The following PCDH9 variants were observed in gnomAD, a reference collection of about 807,000 sequenced individuals.
PCDH9 encodes protocadherin 9, also known as protocadherin-9.
In PCDH9, 24 loss-of-function variants were observed where a neutral mutation model predicts 70.6. That is an observed-to-expected ratio of 0.34 (90% CI 0.25 to 0.48). The LOEUF is 0.48. Ranked by LOEUF, PCDH9 falls within the 20% of genes least tolerant of loss-of-function variation. PCDH9 has a pLI of 0.99. For missense variants in PCDH9, 1,281 were observed against 1,503.6 expected, an observed-to-expected ratio of 0.85 and a Z score of 2.45; for synonymous variants, 562 against 558.5, an observed-to-expected ratio of 1.01 and a Z score of -0.09.
intron 3 of PCDH9, among the ~76,000 whole-genome samples, chr13:66,700,244 A>T (rs535749385): frequency 7.9e-5 from 12 of 152,250 alleles, no homozygotes; most frequent in African/African-American, 2.9e-4. Context: ...TTGTAAAGTA[A>T]ATCAATCTAG....
intron 3 of PCDH9, among the ~76,000 whole-genome samples, chr13:66,757,141 A>G (rs773867382): frequency 3.3e-5 from 5 of 152,062 alleles, no homozygotes; most frequent in Non-Finnish European, 7.4e-5. Flanking sequence ...CCCCAGCCTC[A>G]TGTGGTTGAT....
intron 4 of PCDH9, among the ~76,000 whole-genome samples, chr13:66,619,443 G>C (rs1418141600): frequency 6.6e-6 from 1 of 151,982 alleles, no homozygotes; most frequent in Non-Finnish European, 1.5e-5. Context: ...CAATTTTCTA[G>C]AATTTTATTT....
intron 4 of PCDH9, among the ~76,000 whole-genome samples, chr13:66,449,129 T>A (rs945619201): frequency 2.0e-4 from 31 of 152,132 alleles, no homozygotes; most frequent in Non-Finnish European, 3.2e-4. Flanking sequence ...AAACACTGAC[T>A]GGAACCAAAG....
intron 4 of PCDH9, among the ~76,000 whole-genome samples, chr13:66,445,621 A>T: frequency 7.2e-6 from 1 of 139,296 alleles, no homozygotes; most frequent in Non-Finnish European, 1.5e-5. Context: ...TTATATATAC[A>T]CATATATATT....
intron 2 of PCDH9, among the ~76,000 whole-genome samples, chr13:66,975,169 A>G (rs1016873837): frequency 2.6e-5 from 4 of 152,074 alleles, no homozygotes; most frequent in Non-Finnish European, 5.9e-5. Flanking sequence ...AGTGAACAGA[A>G]GAGACACAGA....
chr13:66,530,522 A>C (rs1960406856), intron 4 of PCDH9, among the ~76,000 whole-genome samples: 1 of 151,954 alleles, frequency 6.6e-6, no homozygotes, highest in Non-Finnish European at 1.5e-5. Context: ...TATGACATTA[A>C]ATAGGAAAAG....
intron 4 of PCDH9, among the ~76,000 whole-genome samples, chr13:66,598,202 T>C (rs1397465153): frequency 6.6e-6 from 1 of 151,780 alleles, no homozygotes; most frequent in Non-Finnish European, 1.5e-5. Flanking sequence ...AAAATAGAAC[T>C]GTAATATGAC....
intron 4 of PCDH9, among the ~76,000 whole-genome samples, chr13:66,418,538 C>T (rs534028723): frequency 6.6e-6 from 1 of 151,920 alleles, no homozygotes; most frequent in African/African-American, 2.4e-5. Context: ...TTATTTGAAG[C>T]CAATGAGAAC....
chr13:66,774,211 T>G (rs1304187029), intron 3 of PCDH9, among the ~76,000 whole-genome samples: 1 of 152,174 alleles, frequency 6.6e-6, no homozygotes, highest in Non-Finnish European at 1.5e-5. Flanking sequence ...CATAAGGGAC[T>G]AAAGACCACA....
chr13:66,821,766 A>G (rs2080715450), intron 3 of PCDH9, among the ~76,000 whole-genome samples: 1 of 152,130 alleles, frequency 6.6e-6, no homozygotes, highest in Non-Finnish European at 1.5e-5. Flanking sequence ...GGTTCATTCA[A>G]TTCCCCATGT....
chr13:67,134,505 C>T (rs1649730057), intron 2 of PCDH9, among the ~76,000 whole-genome samples: 1 of 152,152 alleles, frequency 6.6e-6, no homozygotes, highest in South Asian at 2.1e-4. Flanking sequence ...GAATCAGAGT[C>T]ACTGACATTT....
At chr13:66,519,047 C>T (rs1286116075) in intron 4 of PCDH9, among the ~76,000 whole-genome samples, 2 of 152,046 alleles carry the variant, frequency 1.3e-5, no homozygotes, top group African/African-American at 2.4e-5. Context: ...AGTTTATATT[C>T]GAGGCTGGGA....
At chr13:67,029,272 T>C (rs2084856395) in intron 2 of PCDH9, among the ~76,000 whole-genome samples, 1 of 152,092 alleles carries the variant, frequency 6.6e-6, no homozygotes, top group Non-Finnish European at 1.5e-5. Flanking sequence ...CTAAGAAGTA[T>C]GAGAAAAATA....
intron 4 of PCDH9, among the ~76,000 whole-genome samples, chr13:66,485,530 T>C (rs1958921608): frequency 6.6e-6 from 1 of 152,106 alleles, no homozygotes; most frequent in Non-Finnish European, 1.5e-5. Flanking sequence ...GCATTCAGTT[T>C]ATATATTCAA....
At chr13:67,222,644 A>G (rs536701589) in intron 2 of PCDH9, 1 of 152,296 alleles carries the variant, frequency 6.6e-6, no homozygotes, top group African/African-American at 2.4e-5. Context: ...TAAAATGAAA[A>G]GATGGTGTGA....
At chr13:66,922,298 C>G (rs2082649301) in intron 2 of PCDH9, among the ~76,000 whole-genome samples, 1 of 151,240 alleles carries the variant, frequency 6.6e-6, no homozygotes, top group South Asian at 2.1e-4. Flanking sequence ...ATGTCATGTT[C>G]TATTTGGAAT....
At chr13:67,076,591 C>G (rs1425992699) in intron 2 of PCDH9, among the ~76,000 whole-genome samples, 1 of 152,070 alleles carries the variant, frequency 6.6e-6, no homozygotes, top group Non-Finnish European at 1.5e-5. Context: ...AAAGACTTCT[C>G]CACTGAAGCA....
At chr13:66,888,033 C>T (rs953600513) in intron 3 of PCDH9, among the ~76,000 whole-genome samples, 13 of 152,178 alleles carry the variant, frequency 8.5e-5, no homozygotes, top group Admixed American at 6.5e-4. Context: ...TATCAAATTA[C>T]TGTGACATGG....
chr13:66,532,948 G>A (rs914692098), intron 4 of PCDH9, among the ~76,000 whole-genome samples: 1 of 152,112 alleles, frequency 6.6e-6, no homozygotes, highest in East Asian at 1.9e-4. Context: ...GTGAGATGTA[G>A]CAGTTTAAAG....
Sources: gnomAD v4.1 joint callset for allele counts (sites outside exome capture counted in the v4.1 genomes callset) on GRCh38, gnomAD v4.1.1 for gene constraint, MANE v1.5 for transcripts, NCBI Gene and HGNC (gene_info 2026-07-23, HGNC 2026-07-21) for gene names.